Variants in PRKCA observed in about 807,000 individuals in gnomAD.
The protein encoded by PRKCA is protein kinase C alpha.
In PRKCA, 27 loss-of-function variants were observed where a neutral mutation model predicts 87.0. That is an observed-to-expected ratio of 0.31 (90% CI 0.23 to 0.43). The LOEUF (loss-of-function observed/expected upper bound fraction) is 0.43. Ranked by LOEUF, PRKCA falls within the 20% of genes least tolerant of loss-of-function variation. The pLI, the probability that PRKCA is intolerant of heterozygous loss-of-function variation, is 1.00. For synonymous variants in PRKCA, 329 were observed against 311.1 expected (o/e 1.06, Z -0.61); for missense variants, 518 against 852.3 (o/e 0.61, Z 4.88).
intron 3 of PRKCA, among the ~76,000 whole-genome samples, chr17:66,508,832 G>A (rs1163597145): frequency 4.6e-5 from 7 of 152,098 alleles, no homozygotes; most frequent in African/African-American, 9.7e-5. Flanking sequence ...TTGCCACCCC[G>A]TGGTACTCCA....
chr17:66,344,896 G>A (rs1907264939), intron 2 of PRKCA, among the ~76,000 whole-genome samples: 1 of 152,166 alleles, frequency 6.6e-6, no homozygotes, highest in South Asian at 2.1e-4. Flanking sequence ...CTCCCAAGTA[G>A]CTGGGAATGC....
chr17:66,333,169 A>G (rs1052315210), intron 2 of PRKCA, among the ~76,000 whole-genome samples: 1 of 152,258 alleles, frequency 6.6e-6, no homozygotes, highest in Admixed American at 6.5e-5. Flanking sequence ...AGAAACTGAC[A>G]TGAAGGCATG....
chr17:66,381,530 A>G (rs1234140305), intron 2 of PRKCA, among the ~76,000 whole-genome samples: 1 of 152,136 alleles, frequency 6.6e-6, no homozygotes, highest in East Asian at 1.9e-4. Context: ...AGAGGAGGAG[A>G]AGGATTGGAC....
In PRKCA at chr17:66,674,843, C is replaced by G. The variant is rs1972283593; in HGVS notation, c.530-12268C>G. ...TGCCTGGGCTGCCACCCACAACCAACTCTCACCTGTCCTGTCGACTCTTCA... is the reference window on the plus strand; with the variant it reads ...TGCCTGGGCTGCCACCCACAACCAAGTCTCACCTGTCCTGTCGACTCTTCA... On this transcript the variant is annotated intron_variant, in intron 5 of 16. Coordinates refer to ENST00000413366, the MANE Select transcript of PRKCA (RefSeq NM_002737.3). Among the ~76,000 whole-genome samples the G allele has an allele frequency of 2.0e-5, 3 of 152,208 alleles. No individual in the cohort carries two copies. In the South Asian group the frequency reaches 6.2e-4, roughly 31 times the overall value.
chr17:66,615,238 T>C (rs1201227322), intron 3 of PRKCA, among the ~76,000 whole-genome samples: 1 of 152,182 alleles, frequency 6.6e-6, no homozygotes, highest in Non-Finnish European at 1.5e-5. Flanking sequence ...TCAGTGACCA[T>C]GTTTAGCTGC....
At chr17:66,760,043 G>A (rs1041377918) in intron 13 of PRKCA, among the ~76,000 whole-genome samples, 2 of 152,162 alleles carry the variant, frequency 1.3e-5, no homozygotes, top group African/African-American at 4.8e-5. Flanking sequence ...CAGTAGGGAC[G>A]GAGTTGAACT....
chr17:66,587,359 T>G (rs1261647846), intron 3 of PRKCA, among the ~76,000 whole-genome samples: 1 of 152,214 alleles, frequency 6.6e-6, no homozygotes, highest in Non-Finnish European at 1.5e-5. Context: ...TCATTTTGTG[T>G]TGTTTTACAT....
chr17:66,679,241 C>T (rs893861041), intron 5 of PRKCA, among the ~76,000 whole-genome samples: 10 of 145,700 alleles, frequency 6.9e-5, no homozygotes, highest in Non-Finnish European at 7.4e-5. Flanking sequence ...AGTGCAGTGG[C>T]GCAATCTGGG....
intron 3 of PRKCA, among the ~76,000 whole-genome samples, chr17:66,636,924 C>T (rs942649321): frequency 2.0e-5 from 3 of 152,154 alleles, no homozygotes; most frequent in Non-Finnish European, 4.4e-5. Context: ...TTGTGAAGCA[C>T]CTGTGCACAA....
chr17:66,336,722 A>AT (rs1906702535), intron 2 of PRKCA, among the ~76,000 whole-genome samples: 1 of 118,124 alleles, frequency 8.5e-6, no homozygotes. Flanking sequence ...TCTCTGGTTA[A>AT]TTCGCCACAT....
At chr17:66,773,495 CTT>C (rs59316874) in intron 13 of PRKCA, among the ~76,000 whole-genome samples, 339 of 124,616 alleles carry the variant, frequency 2.7e-3, no homozygotes, top group Admixed American at 4.9e-3. Flanking sequence ...CTGGCTTTTC[CTT>C]TTTTTTTTTT....
chr17:66,412,633 C>A (rs1759474579), intron 2 of PRKCA: 1 of 152,144 alleles, frequency 6.6e-6, no homozygotes, highest in Non-Finnish European at 1.5e-5. Flanking sequence ...CTATGTGCCA[C>A]CTGCTTTCTG....
rs1325243182 is a variant in PRKCA at position 66,792,549 on chromosome 17, CT to C, written c.1854+3573del. Among the ~76,000 whole-genome samples, 1 of 152,172 alleles carries C rather than the reference CT, an allele frequency of 6.6e-6. No homozygotes were observed. Among genetic ancestry groups the C allele is most frequent in the Non-Finnish European group, 1.5e-5 (1 of 68,024 alleles). ...CCAGAGTGACTTGACTGAAGTTAAC[CT>C]TTAGACCGCAGTGCCATGCAAAATG... On this transcript the variant is annotated intron_variant, in intron 16 of 16. Transcript: ENST00000413366. This position sits in a 1 kb window ranked among gnomAD's most constrained non-coding sequence, Gnocchi z 4.5.
At chr17:66,535,309 T>C (rs749333561) in intron 3 of PRKCA, among the ~76,000 whole-genome samples, 3 of 152,232 alleles carry the variant, frequency 2.0e-5, no homozygotes, top group African/African-American at 2.4e-5. Context: ...TTCCTTAAGA[T>C]CTTTTTGAGT....
At chr17:66,323,827 C>G (rs1271283545) in intron 2 of PRKCA, among the ~76,000 whole-genome samples, 1 of 152,062 alleles carries the variant, frequency 6.6e-6, no homozygotes, top group African/African-American at 2.4e-5. Context: ...GTAATCCCAG[C>G]TACTGTGGAG....
chr17:66,377,538 A>G (rs1246110215), intron 2 of PRKCA, among the ~76,000 whole-genome samples: 1 of 147,848 alleles, frequency 6.8e-6, no homozygotes, highest in Non-Finnish European at 1.5e-5. Flanking sequence ...TAATGCCTAT[A>G]TTATGTATAT....
Position 66,676,857 on chromosome 17 carries a change from C to T in PRKCA, c.530-10254C>T, listed in dbSNP as rs932176779. ...TAGTTCCTGTCAGGAGACACACCCT[C>T]TCCCCCGACCCCCAGCCCAGAACCC... On this transcript the variant is annotated intron_variant, in intron 5 of 16. Coordinates refer to ENST00000413366, the MANE Select transcript of PRKCA (RefSeq NM_002737.3). The T allele has an allele frequency of 2.0e-5, 3 of 152,206 alleles. 1 individual carries two copies. Among genetic ancestry groups the T allele is most frequent in the Non-Finnish European group, 2.9e-5 (2 of 68,054 alleles). The allele number at this position is 152,206 out of a possible 1,614,324, so 9.4% of individuals were successfully genotyped here. A position where few individuals can be genotyped will look rare whatever the true frequency, so the allele number is the denominator to read the frequency against.
At chr17:66,517,652 C>T (rs9896894) in intron 3 of PRKCA, among the ~76,000 whole-genome samples, 49,768 of 152,062 alleles carry the variant, frequency 0.33, 8,403 homozygotes, top group South Asian at 0.52. Context: ...ACTTTTTTCA[C>T]GCCAAAACCA....
chr17:66,708,473 T>G (rs1244087944), intron 8 of PRKCA, among the ~76,000 whole-genome samples: 1 of 152,170 alleles, frequency 6.6e-6, no homozygotes, highest in Middle Eastern at 3.2e-3. Context: ...CATGTCCAAG[T>G]GTGAAACAGC....
Sources: allele counts gnomAD v4.1 joint callset (sites outside exome capture counted in the v4.1 genomes callset), GRCh38; gene constraint gnomAD v4.1.1; non-coding constraint Gnocchi (gnomAD v3.1); transcripts MANE v1.5; gene names NCBI Gene and HGNC (gene_info 2026-07-23, HGNC 2026-07-21).